Variants in NAV2 observed in about 807,000 individuals in gnomAD.
NAV2 encodes neuron navigator 2.
A neutral mutation model predicts 223.2 loss-of-function variants in NAV2; 54 were observed. The ratio of observed to expected loss-of-function variants is 0.24; its 90% CI spans 0.19 to 0.30. NAV2 has a LOEUF of 0.30. Ranked by LOEUF, NAV2 falls within the 10% of genes least tolerant of loss-of-function variation. The pLI is 1.00. For missense variants in NAV2, 2,806 were observed against 3,147.5 expected (o/e 0.89, Z 2.60); for synonymous variants, 1,279 against 1,239.3 (o/e 1.03, Z -0.67).
intron 1 of NAV2, among the ~76,000 whole-genome samples, chr11:19,520,110 T>G (rs2043596213): frequency 6.6e-6 from 1 of 152,172 alleles, no homozygotes; most frequent in Non-Finnish European, 1.5e-5. Context: ...AGACAGAGTG[T>G]TTCCTGGCAG....
At chr11:19,649,611 C>A (rs1423433763) in intron 1 of NAV2, among the ~76,000 whole-genome samples, 1 of 152,178 alleles carries the variant, frequency 6.6e-6, no homozygotes, top group African/African-American at 2.4e-5. Context: ...TGATCCCACT[C>A]ACAAGGGCTC....
intron 1 of NAV2, among the ~76,000 whole-genome samples, chr11:19,632,615 GAGCAAACTC>G (rs1240542775): frequency 2.6e-5 from 4 of 152,158 alleles, no homozygotes; most frequent in Non-Finnish European, 4.4e-5. Context: ...TGATTCCTTG[GAGCAAACTC>G]AGCAGGGAAA....
intron 1 of NAV2, among the ~76,000 whole-genome samples, chr11:19,592,066 C>T (rs1021981644): frequency 3.3e-5 from 5 of 152,136 alleles, no homozygotes; most frequent in South Asian, 2.1e-4. Context: ...CATCCACGTA[C>T]GTTTGGATCA....
upstream of NAV2, among the ~76,000 whole-genome samples, chr11:19,349,073 G>A (rs1181607075): frequency 6.6e-6 from 1 of 152,184 alleles, no homozygotes; most frequent in Non-Finnish European, 1.5e-5. Flanking sequence ...GCTACTTCCT[G>A]GGTCAGCAGA....
intron 1 of NAV2, among the ~76,000 whole-genome samples, chr11:19,798,757 A>G (rs1479897905): frequency 6.6e-6 from 1 of 152,160 alleles, no homozygotes; most frequent in Non-Finnish European, 1.5e-5. Flanking sequence ...GTTCTGATAT[A>G]TTATGTAACT....
chr11:19,953,635 C>T (rs1392801170), intron 10 of NAV2, among the ~76,000 whole-genome samples: 2 of 152,240 alleles, frequency 1.3e-5, no homozygotes, highest in Non-Finnish European at 2.9e-5. Context: ...TCTTGGTTCA[C>T]ACCTACCCTT....
intron 1 of NAV2, among the ~76,000 whole-genome samples, chr11:19,479,826 C>T (rs542699229): frequency 5.9e-5 from 9 of 152,272 alleles, no homozygotes; most frequent in African/African-American, 2.2e-4. Flanking sequence ...TTGCCTGCTA[C>T]GCTAACCCCT....
At chr11:19,833,779 A>G (rs560425531) in intron 2 of NAV2, among the ~76,000 whole-genome samples, 8 of 152,042 alleles carry the variant, frequency 5.3e-5, no homozygotes, top group Non-Finnish European at 1.2e-4. Flanking sequence ...GTTTGCTTCT[A>G]TGTTCACTCA....
At chr11:20,061,170 G>T (rs968050569) in intron 19 of NAV2, among the ~76,000 whole-genome samples, 2 of 152,202 alleles carry the variant, frequency 1.3e-5, no homozygotes, top group Non-Finnish European at 1.5e-5. Flanking sequence ...TTTCAAACAA[G>T]TTGTCGAGAA....
Position 20,073,571 on chromosome 11 carries a change from T to G in NAV2, c.4984-3981T>G, listed in dbSNP as rs151328641. On this transcript the variant is annotated intron_variant, in intron 22 of 37. Transcript: ENST00000349880. ...ATGTGAATCCATCTAGTTCTGGACT[T>G]TTTTTGGTTGGTAGGCTATTAATTG... 8.2e-3 allele frequency among the ~76,000 whole-genome samples: 1,244 copies of G among 152,264 alleles called. 15 individuals carry two copies. Among genetic ancestry groups the G allele is most frequent in the African/African-American group, 0.029 (1,186 of 41,558 alleles).
intron 1 of NAV2, among the ~76,000 whole-genome samples, chr11:19,391,801 A>AT (rs763720582): frequency 1.3e-5 from 2 of 152,150 alleles, no homozygotes; most frequent in Non-Finnish European, 2.9e-5. Flanking sequence ...TGTGTCTAGA[A>AT]TACTGACTGA....
intron 1 of NAV2, among the ~76,000 whole-genome samples, chr11:19,489,295 T>G (rs1243532759): frequency 6.6e-6 from 1 of 152,202 alleles, no homozygotes; most frequent in Non-Finnish European, 1.5e-5. Context: ...TAAGCTTCTA[T>G]GGGAGAGAGA....
Position 19,818,509 on chromosome 11 carries a change from T to C in NAV2, c.268-13975T>C, listed in dbSNP as rs747639611. ...ACAATAGTAAAATACAGTAAAATAA[T>C]TAGAAAGTGATGAGTTTTAAATATT... On this transcript the variant is annotated intron_variant, in intron 1 of 37. Transcript: ENST00000349880. Among the ~76,000 whole-genome samples the C allele has an allele frequency of 2.4e-4, 36 of 152,138 alleles. 1 individual carries two copies. The highest frequency in any genetic ancestry group is 2.9e-4 in the Non-Finnish European group (20 of 68,028).
Position 19,424,249 on chromosome 11 carries a change from AT to A in NAV2, c.75+73223del, listed in dbSNP as rs146024050. Among the ~76,000 whole-genome samples, 199 of 152,336 alleles carry A rather than the reference AT, an allele frequency of 1.3e-3. 1 individual carries two copies. Among genetic ancestry groups the A allele is most frequent in the African/African-American group, 4.4e-3 (185 of 41,580 alleles). On this transcript the variant is annotated intron_variant, in intron 1 of 37. Transcript: ENST00000360655. ...GGCTAATATACAGCTTTAAGGAGCC[AT>A]GGGTATTGTTTTCCCCTTTATTTGT...
intron 1 of NAV2, among the ~76,000 whole-genome samples, chr11:19,515,174 T>G (rs2043407882): frequency 6.6e-6 from 1 of 152,198 alleles, no homozygotes; most frequent in South Asian, 2.1e-4. Context: ...ATATAGCCAG[T>G]GTGGAGAATA....
At chr11:19,654,154 G>A (rs536181914) in intron 1 of NAV2, among the ~76,000 whole-genome samples, 14 of 152,274 alleles carry the variant, frequency 9.2e-5, no homozygotes, top group Non-Finnish European at 1.6e-4. Flanking sequence ...GCTTCAAAGA[G>A]AATAAAATAC....
chr11:19,729,774 T>A (rs566072532), intron 1 of NAV2, among the ~76,000 whole-genome samples: 1 of 152,258 alleles, frequency 6.6e-6, no homozygotes, highest in South Asian at 2.1e-4. Flanking sequence ...AGGGGACCCA[T>A]GTTCCATGAT....
intron 1 of NAV2, among the ~76,000 whole-genome samples, chr11:19,642,720 G>T (rs187681480): frequency 6.6e-6 from 1 of 152,228 alleles, no homozygotes; most frequent in Admixed American, 6.5e-5. Context: ...CAAGCAGGAG[G>T]GGGGCTGGAT....
At chr11:19,409,407 A>C (rs1850044458) in intron 1 of NAV2, among the ~76,000 whole-genome samples, 1 of 152,136 alleles carries the variant, frequency 6.6e-6, no homozygotes. Flanking sequence ...GTCACTCTCT[A>C]AGCACTCAGC....
Sources: allele counts gnomAD v4.1 joint callset (sites outside exome capture counted in the v4.1 genomes callset), GRCh38; gene constraint gnomAD v4.1.1; transcripts MANE v1.5; gene names NCBI Gene and HGNC (gene_info 2026-07-23, HGNC 2026-07-21).